SMYD3: variants seen among roughly 807,000 people sequenced by gnomAD.
The protein encoded by SMYD3 is SET and MYND domain containing 3, also known as histone-lysine N-methyltransferase SMYD3.
Under a neutral mutation model 57.7 loss-of-function variants are expected in SMYD3, and 36 were observed. The ratio of observed to expected loss-of-function variants is 0.62; its 90% CI spans 0.48 to 0.82. SMYD3 has a LOEUF of 0.82. Among genes scored for constraint, SMYD3 ranks in the 40% least tolerant of loss-of-function variants. The pLI is 0.00. For missense variants in SMYD3, 515 were observed against 538.8 expected (o/e 0.96, Z 0.44); for synonymous variants, 211 against 195.0 (o/e 1.08, Z -0.68).
intron 1 of SMYD3, among the ~76,000 whole-genome samples, chr1:246,459,195 C>T (rs1369450529): frequency 2.6e-5 from 4 of 151,296 alleles, no homozygotes; most frequent in South Asian, 2.1e-4. Flanking sequence ...ATAGTTCTCG[C>T]GAGATCTTGT....
intron 1 of SMYD3, among the ~76,000 whole-genome samples, chr1:246,476,395 T>C (rs563844112): frequency 6.6e-6 from 1 of 152,336 alleles, no homozygotes; most frequent in Non-Finnish European, 1.5e-5. Context: ...GCACATCACC[T>C]GGAGATCTTG....
At chr1:246,353,201 T>C (rs2065859525) in intron 2 of SMYD3, among the ~76,000 whole-genome samples, 1 of 152,172 alleles carries the variant, frequency 6.6e-6, no homozygotes, top group East Asian at 1.9e-4. Context: ...ATAATATTAT[T>C]GTTTTGAAAT....
At chr1:246,167,617 T>G (rs1028832484) in intron 5 of SMYD3, among the ~76,000 whole-genome samples, 7 of 151,812 alleles carry the variant, frequency 4.6e-5, no homozygotes, top group African/African-American at 7.3e-5. Context: ...TTCAAGCGAT[T>G]CTCCTGCCTC....
intron 5 of SMYD3, among the ~76,000 whole-genome samples, chr1:246,262,613 T>C (rs971995315): frequency 6.6e-6 from 1 of 152,120 alleles, no homozygotes; most frequent in Admixed American, 6.5e-5. Context: ...TTCCAGGCAC[T>C]ATGCTTGGCA....
intron 5 of SMYD3, among the ~76,000 whole-genome samples, chr1:246,123,016 T>C (rs2061446683): frequency 6.6e-6 from 1 of 152,166 alleles, no homozygotes; most frequent in South Asian, 2.1e-4. Context: ...TAATACCTTA[T>C]AGAGCTAAAG....
At chr1:246,072,283 G>T (rs1339901410) in intron 5 of SMYD3, among the ~76,000 whole-genome samples, 1,318 of 90,668 alleles carry the variant, frequency 0.015, no homozygotes, top group East Asian at 0.028. Flanking sequence ...GCTCACTGTG[G>T]ATGCATCGTG....
intron 10 of SMYD3, among the ~76,000 whole-genome samples, chr1:245,808,668 G>A (rs901307311): frequency 6.6e-6 from 1 of 152,128 alleles, no homozygotes; most frequent in African/African-American, 2.4e-5. Flanking sequence ...TGTCTCCATT[G>A]AGGCTGCAGT....
At chr1:246,218,034 G>A (rs1405855685) in intron 5 of SMYD3, among the ~76,000 whole-genome samples, 1 of 138,848 alleles carries the variant, frequency 7.2e-6, no homozygotes, top group Non-Finnish European at 1.5e-5. Flanking sequence ...ATAAACTATG[G>A]TACATTCATA....
At chr1:245,946,707 T>C (rs1009777155) in intron 5 of SMYD3, among the ~76,000 whole-genome samples, 3 of 152,214 alleles carry the variant, frequency 2.0e-5, no homozygotes, top group Admixed American at 1.3e-4. Flanking sequence ...TGTTGTACAC[T>C]AGACCCATCA....
chr1:245,842,133 C>T (rs1053038150), intron 10 of SMYD3, among the ~76,000 whole-genome samples: 2 of 152,146 alleles, frequency 1.3e-5, no homozygotes, highest in Non-Finnish European at 2.9e-5. Flanking sequence ...CATTTCATGA[C>T]GATTGCGTGA....
At chr1:246,136,400 G>A (rs192346981) in intron 5 of SMYD3, among the ~76,000 whole-genome samples, 48 of 152,286 alleles carry the variant, frequency 3.2e-4, no homozygotes, top group Non-Finnish European at 6.2e-4. Flanking sequence ...GAGGAGCCCG[G>A]AGACAGTTGT....
chr1:246,315,414 G>T (rs746652615), intron 5 of SMYD3, among the ~76,000 whole-genome samples: 1 of 152,138 alleles, frequency 6.6e-6, no homozygotes, highest in Non-Finnish European at 1.5e-5. Flanking sequence ...TTAAGAATAA[G>T]CAGGACCTCA....
At chr1:246,180,146 A>AAAAAAAAAAAAT (rs1558293523) in intron 5 of SMYD3, among the ~76,000 whole-genome samples, 1 of 150,444 alleles carries the variant, frequency 6.6e-6, no homozygotes, top group African/African-American at 2.4e-5. Flanking sequence ...CATATCTAAT[A>AAAAAAAAAAAAT]TATCTAATAT....
intron 5 of SMYD3, among the ~76,000 whole-genome samples, chr1:246,180,655 A>G (rs1010269635): frequency 6.7e-6 from 1 of 150,088 alleles, no homozygotes; most frequent in African/African-American, 2.4e-5. Context: ...GCTACTTGAG[A>G]GGCTAACGCA....
chr1:246,184,123 G>A (rs989522755), intron 5 of SMYD3, among the ~76,000 whole-genome samples: 3 of 152,146 alleles, frequency 2.0e-5, no homozygotes, highest in East Asian at 3.9e-4. Context: ...GTATTCCCAT[G>A]AGCACCAAAG....
chr1:245,971,955 G>A (rs987302239), intron 5 of SMYD3, among the ~76,000 whole-genome samples: 3 of 152,154 alleles, frequency 2.0e-5, no homozygotes, highest in Admixed American at 6.5e-5. Flanking sequence ...GCTTTGCAGA[G>A]TCTGAAGCAA....
chr1:245,919,201 G>A (rs1006570012), intron 7 of SMYD3, among the ~76,000 whole-genome samples: 1 of 152,090 alleles, frequency 6.6e-6, no homozygotes, highest in African/African-American at 2.4e-5. Flanking sequence ...ATGTGATCAC[G>A]TCATTTCTCT....
intron 5 of SMYD3, among the ~76,000 whole-genome samples, chr1:246,047,099 T>C (rs1324611096): frequency 6.6e-6 from 1 of 152,230 alleles, no homozygotes; most frequent in East Asian, 1.9e-4. Context: ...TTTAATTCCA[T>C]ATATTCCAAT....
chr1:246,287,724 T>G (rs545596860), intron 5 of SMYD3, among the ~76,000 whole-genome samples: 7 of 152,314 alleles, frequency 4.6e-5, no homozygotes, highest in East Asian at 3.9e-4. Flanking sequence ...CTACGGGATA[T>G]TCAGGTTTAT....
Sources: gnomAD v4.1 joint callset for allele counts (sites outside exome capture counted in the v4.1 genomes callset) on GRCh38, gnomAD v4.1.1 for gene constraint, MANE v1.5 for transcripts, NCBI Gene and HGNC (gene_info 2026-07-23, HGNC 2026-07-21) for gene names.